CSMD1: variants seen among roughly 807,000 people sequenced by gnomAD.
CSMD1 encodes CUB and Sushi multiple domains 1.
Under a neutral mutation model 417.5 loss-of-function variants are expected in CSMD1, and 213 were observed. The observed-to-expected ratio is 0.51, with a 90% CI of 0.46 to 0.57. The LOEUF is 0.57. Among genes scored for constraint, CSMD1 ranks in the 20% least tolerant of loss-of-function variants. The pLI is 0.00. For synonymous variants in CSMD1, 2,862 were observed against 1,736.8 expected (o/e 1.65, Z -16.11); for missense variants, 6,923 against 4,529.7 (o/e 1.53, Z -15.17).
chr8:4,843,087 ACT>A (rs769450166), intron 1 of CSMD1, among the ~76,000 whole-genome samples: 1 of 152,122 alleles, frequency 6.6e-6, no homozygotes, highest in Non-Finnish European at 1.5e-5. Context: ...ATATAACCAG[ACT>A]CATTTGTTAG....
chr8:3,314,310 C>A (rs1217637709), intron 23 of CSMD1, among the ~76,000 whole-genome samples: 1 of 152,100 alleles, frequency 6.6e-6, no homozygotes, highest in Non-Finnish European at 1.5e-5. Context: ...CAAAGATATT[C>A]TTCCAAATAG....
At chr8:3,000,211 G>A in intron 52 of CSMD1, 80 bp from the exon 53 acceptor site, 2 of 974,042 alleles carry the variant, frequency 2.1e-6, no homozygotes, top group Non-Finnish European at 2.9e-6. Context: ...TTATTATCAA[G>A]TCAATAACAG....
At chr8:4,031,814 T>C in intron 4 of CSMD1, 91 bp downstream of exon 4, 1 of 998,440 alleles carries the variant, frequency 1.0e-6, no homozygotes. Flanking sequence ...ACATGTATTA[T>C]TTTCATTTAA....
intron 2 of CSMD1, among the ~76,000 whole-genome samples, chr8:4,494,803 A>G (rs1227776336): frequency 6.6e-6 from 1 of 152,184 alleles, no homozygotes; most frequent in Non-Finnish European, 1.5e-5. Context: ...TTTTGTGGAA[A>G]ATAGACTAGG....
chr8:4,324,867 C>G (rs1799467887), intron 3 of CSMD1, among the ~76,000 whole-genome samples: 1 of 152,180 alleles, frequency 6.6e-6, no homozygotes, highest in Non-Finnish European at 1.5e-5. Flanking sequence ...CCCAGCACAC[C>G]TCAGGGTCCT....
chr8:4,081,090 G>T (rs13267061), intron 3 of CSMD1, among the ~76,000 whole-genome samples: 5 of 152,098 alleles, frequency 3.3e-5, no homozygotes, highest in African/African-American at 1.2e-4. Context: ...CACTTTGGAA[G>T]CAGAGAGATT....
At chr8:4,837,216 A>G (rs1219830877) in intron 1 of CSMD1, among the ~76,000 whole-genome samples, 2 of 152,222 alleles carry the variant, frequency 1.3e-5, no homozygotes, top group African/African-American at 4.8e-5. Context: ...TATTGGGAAG[A>G]ATGTAAAGCT....
At chr8:3,236,096 T>G (rs1483811185) in intron 26 of CSMD1, among the ~76,000 whole-genome samples, 1 of 151,776 alleles carries the variant, frequency 6.6e-6, no homozygotes, top group Non-Finnish European at 1.5e-5. Flanking sequence ...TTTTTTGTAT[T>G]TTTAGTAGAG....
At chr8:3,165,255 C>A (rs1270095394) in intron 37 of CSMD1, among the ~76,000 whole-genome samples, 1 of 151,896 alleles carries the variant, frequency 6.6e-6, no homozygotes, top group African/African-American at 2.4e-5. Context: ...ATTATTTAAA[C>A]CTGCTACTAT....
At chr8:3,248,240 T>A (rs772784457) in intron 26 of CSMD1, among the ~76,000 whole-genome samples, 5 of 152,206 alleles carry the variant, frequency 3.3e-5, no homozygotes, top group African/African-American at 4.8e-5. Context: ...ATAGGAAGAA[T>A]GAAATTTTAA....
chr8:4,249,135 G>C (rs1266082325), intron 3 of CSMD1, among the ~76,000 whole-genome samples: 1 of 152,104 alleles, frequency 6.6e-6, no homozygotes, highest in Non-Finnish European at 1.5e-5. Flanking sequence ...AAACTTTCGT[G>C]GGAAAATATA....
rs1426054014 is a variant in CSMD1 at position 2,936,272 on chromosome 8, C to T, written c.*2313G>A. 1.3e-5 allele frequency: 2 copies of T among 151,746 alleles called. No homozygotes were observed. The highest frequency in any genetic ancestry group is 2.9e-5 in the Non-Finnish European group (2 of 67,984). 9.4% of individuals were successfully genotyped at this position (151,746 alleles called of 1,614,324 possible). On this transcript the variant is annotated 3_prime_UTR_variant, in exon 70 of 70. Coordinates refer to ENST00000635120, the MANE Select transcript of CSMD1 (RefSeq NM_033225.6). ...TTCAGGATTTCATAGCATCGTTGAC[C>T]AGGGAGCAGGTCAGGGATATGGGAA...
intron 2 of CSMD1, among the ~76,000 whole-genome samples, chr8:4,562,063 C>T (rs1232017671): frequency 3.3e-5 from 5 of 151,998 alleles, no homozygotes; most frequent in Admixed American, 6.6e-5. Flanking sequence ...AGCAAAGAGA[C>T]GTCAATTACA....
intron 12 of CSMD1, among the ~76,000 whole-genome samples, chr8:3,418,951 C>T (rs1350487295): frequency 6.6e-6 from 1 of 152,192 alleles, no homozygotes; most frequent in East Asian, 1.9e-4. Context: ...TGCAATTTTA[C>T]TTTCCAGAAT....
intron 2 of CSMD1, among the ~76,000 whole-genome samples, chr8:4,450,887 C>T (rs534492805): frequency 3.1e-4 from 47 of 151,988 alleles, no homozygotes; most frequent in South Asian, 1.0e-3. Flanking sequence ...AACCAGATTG[C>T]GCTAATATAA....
Position 3,795,440 on chromosome 8 carries a change from A to C in CSMD1, c.819-41398T>G, listed in dbSNP as rs1279094370. The stretch of plus-strand genomic sequence containing the variant: ...ATATATCTATCATAGATATAGATAT[A>C]TATCTATCATAGATATAGATATATA... On this transcript the variant is annotated intron_variant, in intron 5 of 69. Coordinates refer to ENST00000635120, the MANE Select transcript of CSMD1 (RefSeq NM_033225.6). 1.4e-4 allele frequency among the ~76,000 whole-genome samples: 4 copies of C among 27,664 alleles called. 1 individual carries two copies. The highest frequency in any genetic ancestry group is 4.0e-4 in the African/African-American group (3 of 7,458). 18.1% of individuals were successfully genotyped at this position (27,664 alleles called of 152,430 possible).
intron 6 of CSMD1, among the ~76,000 whole-genome samples, chr8:3,733,379 T>A (rs142848500): frequency 6.8e-6 from 1 of 148,034 alleles, no homozygotes; most frequent in Non-Finnish European, 1.5e-5. Flanking sequence ...TAAAATATAA[T>A]ATATATTATC....
chr8:3,221,053 T>C (rs1038206278), intron 28 of CSMD1, among the ~76,000 whole-genome samples: 4 of 149,414 alleles, frequency 2.7e-5, no homozygotes, highest in Admixed American at 1.3e-4. Context: ...TGTTTTGTAA[T>C]CACTAAAATG....
intron 49 of CSMD1, among the ~76,000 whole-genome samples, chr8:3,076,632 C>A (rs556935852): frequency 6.6e-6 from 1 of 152,242 alleles, no homozygotes; most frequent in African/African-American, 2.4e-5. Flanking sequence ...TTGAAGACTG[C>A]ACCACCGCTG....
Sources: allele counts gnomAD v4.1 joint callset (sites outside exome capture counted in the v4.1 genomes callset), GRCh38; gene constraint gnomAD v4.1.1; transcripts MANE v1.5; gene names NCBI Gene and HGNC (gene_info 2026-07-23, HGNC 2026-07-21).